SYN3: variants seen among roughly 807,000 people sequenced by gnomAD.
The protein encoded by SYN3 is synapsin III.
SYN3 carries 35 observed loss-of-function variants against 65.8 expected under a neutral mutation model. The ratio of observed to expected loss-of-function variants is 0.53; its 90% CI spans 0.41 to 0.70. The LOEUF (loss-of-function observed/expected upper bound fraction) is 0.70. Among genes scored for constraint, SYN3 ranks in the 30% least tolerant of loss-of-function variants. SYN3 has a pLI of 0.00. For synonymous variants in SYN3, 270 were observed against 292.9 expected (o/e 0.92, Z 0.80); for missense variants, 680 against 749.0 (o/e 0.91, Z 1.08).
intron 2 of SYN3, among the ~76,000 whole-genome samples, chr22:32,992,994 T>C (rs978939056): frequency 6.6e-6 from 1 of 152,136 alleles, no homozygotes; most frequent in East Asian, 1.9e-4. Flanking sequence ...TGTGCAGTCC[T>C]GGTGGGACTG....
intron 2 of SYN3, among the ~76,000 whole-genome samples, chr22:32,989,878 A>C: frequency 7.0e-6 from 1 of 143,676 alleles, no homozygotes; most frequent in African/African-American, 2.5e-5. Context: ...CACTCCCTCT[A>C]CCCCTCTCCT....
intron 6 of SYN3, among the ~76,000 whole-genome samples, chr22:32,762,978 C>G (rs1602088333): frequency 6.6e-6 from 1 of 152,124 alleles, no homozygotes; most frequent in African/African-American, 2.4e-5. Flanking sequence ...TCAAGGGGAC[C>G]AAGGCTAAAT....
chr22:32,688,320 G>A (rs1289554058), intron 6 of SYN3, among the ~76,000 whole-genome samples: 3 of 152,082 alleles, frequency 2.0e-5, no homozygotes, highest in Non-Finnish European at 4.4e-5. Flanking sequence ...CTGTGCTTCT[G>A]GTTCTACTGG....
intron 7 of SYN3, among the ~76,000 whole-genome samples, chr22:32,572,443 CTT>C (rs2058787022): frequency 7.9e-6 from 1 of 126,550 alleles, no homozygotes; most frequent in Non-Finnish European, 1.7e-5. Context: ...TCCTTCCCTC[CTT>C]CCTTTCCTCC....
intron 7 of SYN3, among the ~76,000 whole-genome samples, chr22:32,567,555 G>T (rs973307018): frequency 3.3e-5 from 5 of 152,090 alleles, no homozygotes; most frequent in Non-Finnish European, 7.4e-5. Context: ...GTTATGTATT[G>T]GGCCTCAGAA....
intron 6 of SYN3, among the ~76,000 whole-genome samples, chr22:32,790,806 G>T (rs1310763673): frequency 6.6e-6 from 1 of 152,156 alleles, no homozygotes; most frequent in African/African-American, 2.4e-5. Context: ...ACAAGCCAGG[G>T]TGAGCCAGCT....
At chr22:33,011,507 T>C (rs913973735) in intron 1 of SYN3, among the ~76,000 whole-genome samples, 1 of 152,174 alleles carries the variant, frequency 6.6e-6, no homozygotes, top group Non-Finnish European at 1.5e-5. Flanking sequence ...TCTATGTTCA[T>C]GACAAAAAAA....
At chr22:32,872,785 A>T (rs1386435996) in intron 4 of SYN3, among the ~76,000 whole-genome samples, 1 of 152,124 alleles carries the variant, frequency 6.6e-6, no homozygotes, top group Non-Finnish European at 1.5e-5. Flanking sequence ...AGTCACCCCA[A>T]CATTTAAGGT....
chr22:32,985,868 A>G (rs991039844), intron 2 of SYN3, among the ~76,000 whole-genome samples: 7 of 151,948 alleles, frequency 4.6e-5, no homozygotes, highest in Non-Finnish European at 8.8e-5. Flanking sequence ...TCATGTTTCA[A>G]GATCCTATGA....
At chr22:32,906,325 G>A (rs2049901385) in intron 4 of SYN3, among the ~76,000 whole-genome samples, 1 of 152,122 alleles carries the variant, frequency 6.6e-6, no homozygotes, top group East Asian at 1.9e-4. Context: ...ACAGGAACCT[G>A]CATTTAGCCA....
chr22:32,661,300 C>T (rs2060212880), intron 6 of SYN3, among the ~76,000 whole-genome samples: 1 of 152,226 alleles, frequency 6.6e-6, no homozygotes. Context: ...AAGAGGAAGG[C>T]AGTCAGAACC....
chr22:32,920,334 A>C (rs2050303935), intron 4 of SYN3, among the ~76,000 whole-genome samples: 1 of 151,998 alleles, frequency 6.6e-6, no homozygotes, highest in Non-Finnish European at 1.5e-5. Context: ...GTCCCTTTTT[A>C]TCTCTCCCTT....
intron 3 of SYN3, among the ~76,000 whole-genome samples, chr22:32,939,782 T>C (rs539290042): frequency 4.2e-4 from 64 of 152,340 alleles, no homozygotes; most frequent in African/African-American, 1.5e-3. Flanking sequence ...ACTATTTCTA[T>C]TCATCAGCTA....
In SYN3 at chr22:33,040,454, C is replaced by T. The variant is rs73162098; in HGVS notation, c.-163+17838G>A. Among the ~76,000 whole-genome samples the T allele has an allele frequency of 5.9e-3, 896 of 152,340 alleles. 7 individuals carry two copies. The highest frequency in any genetic ancestry group is 0.028 in the South Asian group (136 of 4,826). On this transcript the variant is annotated intron_variant, in intron 1 of 13. Coordinates refer to ENST00000358763, the MANE Select transcript of SYN3 (RefSeq NM_003490.4). Reference sequence around the variant, plus strand: ...AACTATGCATCCACTGCTCTCCATGCATCCAATTAGTTCTCCTTCAAATCC... The same window carrying T: ...AACTATGCATCCACTGCTCTCCATGTATCCAATTAGTTCTCCTTCAAATCC...
At chr22:32,663,767 C>T (rs2060251398) in intron 6 of SYN3, among the ~76,000 whole-genome samples, 1 of 151,904 alleles carries the variant, frequency 6.6e-6, no homozygotes, top group Non-Finnish European at 1.5e-5. Context: ...TTGCATTGCA[C>T]AATGTAAAAG....
intron 6 of SYN3, among the ~76,000 whole-genome samples, chr22:32,658,517 T>C (rs2060173585): frequency 6.6e-6 from 1 of 152,142 alleles, no homozygotes; most frequent in South Asian, 2.1e-4. Flanking sequence ...ATGGCAAAAA[T>C]ACACATCTCT....
chr22:32,557,220 G>A (rs1311721389), intron 7 of SYN3, among the ~76,000 whole-genome samples: 5 of 152,028 alleles, frequency 3.3e-5, no homozygotes, highest in African/African-American at 7.3e-5. Flanking sequence ...ACAGTCCATG[G>A]GAGAGGCAGA....
At chr22:32,553,668 G>C (rs1186164984) in intron 7 of SYN3, among the ~76,000 whole-genome samples, 1 of 152,136 alleles carries the variant, frequency 6.6e-6, no homozygotes, top group Non-Finnish European at 1.5e-5. Flanking sequence ...TTTTTGAAAT[G>C]GTGGTTTCTT....
intron 4 of SYN3, among the ~76,000 whole-genome samples, chr22:32,917,536 C>T (rs2050217200): frequency 6.6e-6 from 1 of 152,174 alleles, no homozygotes; most frequent in Admixed American, 6.5e-5. Context: ...GCAATTTCTC[C>T]CACAGTGGCA....
Sources: allele counts gnomAD v4.1 joint callset (sites outside exome capture counted in the v4.1 genomes callset), GRCh38; gene constraint gnomAD v4.1.1; transcripts MANE v1.5; gene names NCBI Gene and HGNC (gene_info 2026-07-23, HGNC 2026-07-21).